CUL4A: variants seen among roughly 807,000 people sequenced by gnomAD.
CUL4A encodes cullin-4A.
A neutral mutation model predicts 95.5 loss-of-function variants in CUL4A; 16 were observed. The ratio of observed to expected loss-of-function variants is 0.17; its 90% CI spans 0.11 to 0.25. The LOEUF is 0.25. Among genes scored for constraint, CUL4A ranks in the 10% least tolerant of loss-of-function variants. CUL4A has a pLI of 1.00. For missense variants in CUL4A, 610 were observed against 937.0 expected (o/e 0.65, Z 4.56); for synonymous variants, 380 against 353.1 (o/e 1.08, Z -0.85).
rs115956558 is a variant in CUL4A at position 113,224,734 on chromosome 13, C to T, written c.369-3242C>T. On this transcript the variant is annotated intron_variant, in intron 3 of 19. Coordinates refer to ENST00000375440, the MANE Select transcript of CUL4A (RefSeq NM_001008895.4). ...TGCACATTCATGAATTGCTTTGTCTCACAACACCCTGAGCCGTAGGTATCT... is the reference window on the plus strand; with the variant it reads ...TGCACATTCATGAATTGCTTTGTCTTACAACACCCTGAGCCGTAGGTATCT... Among the ~76,000 whole-genome samples, 1,304 of 152,370 alleles carry T rather than the reference C, an allele frequency of 8.6e-3. 22 individuals carry two copies. The highest frequency in any genetic ancestry group is 0.03 in the African/African-American group (1,258 of 41,586).
chr13:113,217,546 G>A (rs967766453), intron 2 of CUL4A, among the ~76,000 whole-genome samples: 8 of 152,082 alleles, frequency 5.3e-5, no homozygotes, highest in South Asian at 2.1e-4. Flanking sequence ...TTATATGGTA[G>A]TAATCACTGT....
chr13:113,232,466 G>T (rs550525043), intron 5 of CUL4A, among the ~76,000 whole-genome samples: 9 of 150,760 alleles, frequency 6.0e-5, no homozygotes, highest in Non-Finnish European at 7.4e-5. Context: ...TGCCAATTCC[G>T]GATTTCTGGC....
intron 5 of CUL4A, among the ~76,000 whole-genome samples, chr13:113,232,039 CCACCACTACCCGCCCACCACCATTACTGT>C (rs1566342787): frequency 4.2e-4 from 31 of 74,362 alleles, no homozygotes; most frequent in East Asian, 2.5e-3. Flanking sequence ...ATTACTGCTG[CCACCACTACCCGCCCACCACCATTACTGT>C]CACCACTACC....
At chr13:113,245,840 GAT>G (rs2041843175) in intron 14 of CUL4A, 114 bp from the exon 15 acceptor site, 1 of 802,338 alleles carries the variant, frequency 1.2e-6, no homozygotes, top group Admixed American at 2.7e-5. Context: ...TGGGGACTGA[GAT>G]AAATTCTAAC....
chr13:113,219,458 G>T, intron 3 of CUL4A: 1 of 162,568 alleles, frequency 6.2e-6, no homozygotes, highest in Non-Finnish European at 1.3e-5. Context: ...TCTATGCTCA[G>T]TCTCACGGGC....
intron 2 of CUL4A, among the ~76,000 whole-genome samples, chr13:113,216,724 G>T (rs542826840): frequency 1.3e-5 from 2 of 152,292 alleles, no homozygotes; most frequent in Admixed American, 6.5e-5. Flanking sequence ...ATTTGGGGGA[G>T]GGGCAACTCC....
intron 8 of CUL4A, 71 bp from the exon 9 acceptor site, chr13:113,236,752 C>G: frequency 5.0e-6 from 5 of 998,984 alleles, no homozygotes; most frequent in Admixed American, 4.1e-5. Context: ...ACAAATGCCC[C>G]CATCTTTTGC....
intron 18 of CUL4A, among the ~76,000 whole-genome samples, chr13:113,259,514 TG>T (rs1209695242): frequency 1.3e-5 from 2 of 152,244 alleles, no homozygotes; most frequent in African/African-American, 4.8e-5. Context: ...CATGTTCAGA[TG>T]CTTTTTTATT....
chr13:113,219,432 G>GT (rs977376203), intron 3 of CUL4A: 7 of 167,728 alleles, frequency 4.2e-5, no homozygotes, highest in African/African-American at 1.7e-4. Flanking sequence ...AGGAGGCCAG[G>GT]CAGGATTCAG....
intron 2 of CUL4A, among the ~76,000 whole-genome samples, chr13:113,213,128 C>T (rs958059519): frequency 6.6e-6 from 1 of 152,256 alleles, no homozygotes; most frequent in African/African-American, 2.4e-5. Flanking sequence ...TGGCTCACAC[C>T]TGTAATCCCA....
chr13:113,245,265 CTTTTTAAAAAGT>C (rs1566360506), intron 14 of CUL4A, 28 bp downstream of exon 14: 1 of 1,605,100 alleles, frequency 6.2e-7, no homozygotes, highest in Non-Finnish European at 8.5e-7. Flanking sequence ...GGTAAAGCGG[CTTTTTAAAAAGT>C]ATCTGTTAGT....
Position 113,264,945 on chromosome 13 carries a change from C to A in CUL4A, c.*1363C>A, listed in dbSNP as rs1008416471. On this transcript the variant is annotated 3_prime_UTR_variant, in exon 20 of 20. Transcript: ENST00000375440. ...GGTCTAAGAAAGACCAAACAGATTTCTATTTTTTTTTTCTTATAAGTTCGT... is the reference window on the plus strand; with the variant it reads ...GGTCTAAGAAAGACCAAACAGATTTATATTTTTTTTTTCTTATAAGTTCGT... 2 of 11,238 alleles carry A rather than the reference C, an allele frequency of 1.8e-4. No homozygotes were observed. The highest frequency in any genetic ancestry group is 2.0e-4 in the African/African-American group (2 of 9,894). The allele number at this position is 11,238 out of a possible 1,614,324, so 0.7% of individuals were successfully genotyped here.
chr13:113,258,103 G>T (rs1431505716), intron 18 of CUL4A, among the ~76,000 whole-genome samples: 1 of 151,940 alleles, frequency 6.6e-6, no homozygotes. Flanking sequence ...AACCTCTTGG[G>T]CTCAAGCGAT....
chr13:113,219,985 A>G (rs752638852), intron 3 of CUL4A, among the ~76,000 whole-genome samples: 3 of 152,234 alleles, frequency 2.0e-5, no homozygotes, highest in Non-Finnish European at 4.4e-5. Context: ...ATTAGAAAGT[A>G]GAGTTTATAA....
intron 16 of CUL4A, 142 bp from the exon 17 acceptor site, chr13:113,254,551 T>C (rs898790624): frequency 3.6e-6 from 2 of 556,658 alleles, no homozygotes; most frequent in African/African-American, 2.0e-5. Context: ...GCTGAGATTG[T>C]GCCACTGCAC....
At position 113,264,122 on chromosome 13, in the gene CUL4A, C is replaced by T. The variant is rs2042357000; in HGVS notation, c.*540C>T. On this transcript the variant is annotated 3_prime_UTR_variant, in exon 20 of 20. Coordinates refer to ENST00000375440, the MANE Select transcript of CUL4A (RefSeq NM_001008895.4). ...GGATGACGCACCCTAGCCACTGGCC[C>T]CTCTCTGTTTCATGTATTTCCAAAA... is the stretch of plus-strand genomic sequence containing the variant. 1 of 152,220 alleles carries T rather than the reference C, an allele frequency of 6.6e-6. No homozygotes were observed. Among genetic ancestry groups the T allele is most frequent in the Admixed American group, 6.5e-5 (1 of 15,268 alleles). 9.4% of individuals were successfully genotyped at this position (152,220 alleles called of 1,614,324 possible).
intron 19 of CUL4A, 122 bp from the exon 20 acceptor site, chr13:113,263,365 T>C (rs1262841662): frequency 2.5e-6 from 1 of 393,390 alleles, no homozygotes; most frequent in African/African-American, 2.1e-5. Context: ...TTCATATAAA[T>C]ATCTATTTGT....
intron 18 of CUL4A, among the ~76,000 whole-genome samples, chr13:113,256,498 G>C (rs2042122660): frequency 6.6e-6 from 1 of 152,180 alleles, no homozygotes; most frequent in Admixed American, 6.5e-5. Context: ...AAGTCTGGCA[G>C]ATTTCACCAG....
intron 6 of CUL4A, 107 bp from the exon 7 acceptor site, chr13:113,233,790 C>A: frequency 1.3e-6 from 1 of 762,718 alleles, no homozygotes; most frequent in Non-Finnish European, 2.3e-6. Flanking sequence ...CAGGCGCCTC[C>A]AAGTTCAGGT....
Sources: allele counts gnomAD v4.1 joint callset (sites outside exome capture counted in the v4.1 genomes callset), GRCh38; gene constraint gnomAD v4.1.1; transcripts MANE v1.5; gene names NCBI Gene and HGNC (gene_info 2026-07-23, HGNC 2026-07-21).